ABCC1: variants seen among roughly 807,000 people sequenced by gnomAD.
The protein encoded by ABCC1 is ATP binding cassette subfamily C member 1 (ABCC1 blood group).
ABCC1 carries 83 observed loss-of-function variants against 172.9 expected under a neutral mutation model. The observed-to-expected ratio is 0.48, with a 90% CI of 0.40 to 0.58. The LOEUF (loss-of-function observed/expected upper bound fraction) is 0.58. ABCC1 is among the 20% of genes least tolerant of loss of function. The probability of loss-of-function intolerance (pLI) is 0.00; values close to 1 mark genes in which losing one functional copy is unlikely to be tolerated. For synonymous variants in ABCC1, 937 were observed against 825.2 expected, an observed-to-expected ratio of 1.14 and a Z score of -2.32; for missense variants, 1,817 against 2,002.7, an observed-to-expected ratio of 0.91 and a Z score of 1.77.
intron 3 of ABCC1, among the ~76,000 whole-genome samples, chr16:16,013,945 G>A (rs1169992918): frequency 2.0e-5 from 3 of 152,144 alleles, no homozygotes; most frequent in Non-Finnish European, 2.9e-5. Context: ...GGCTGACCCC[G>A]GGAACGTTGA....
chr16:15,957,424 G>A (rs1407560569), intron 1 of ABCC1, among the ~76,000 whole-genome samples: 1 of 151,770 alleles, frequency 6.6e-6, no homozygotes, highest in Non-Finnish European at 1.5e-5. Context: ...TCAGAACAGG[G>A]TTTTGTCCAC....
intron 12 of ABCC1, chr16:16,056,640 G>A (rs957510141): frequency 3.2e-6 from 1 of 310,878 alleles, no homozygotes; most frequent in Non-Finnish European, 6.0e-6. Context: ...GTGCACTCCA[G>A]CCTGGGCGAC....
chr16:16,086,657 C>A (rs1328124545), intron 17 of ABCC1, among the ~76,000 whole-genome samples, 167 bp from the exon 18 acceptor site: 1 of 152,060 alleles, frequency 6.6e-6, no homozygotes, highest in Non-Finnish European at 1.5e-5. Flanking sequence ...TTTGTAGAGA[C>A]AGGGTCTCCC....
chr16:16,082,722 C>T (rs191342724), intron 16 of ABCC1, among the ~76,000 whole-genome samples: 5 of 152,276 alleles, frequency 3.3e-5, no homozygotes, highest in East Asian at 1.9e-4. Flanking sequence ...AATCTCAGCT[C>T]GTGGTACCTC....
rs1191603741 is a variant in ABCC1, at chr16:16,141,069, T to C, written c.4488-104T>C. The C allele has an allele frequency of 3.3e-6, 3 of 918,752 alleles. No homozygotes were observed. The African/African-American group carries it at 4.9e-5, about 15-fold the overall frequency. 56.9% of individuals were successfully genotyped at this position (918,752 alleles called of 1,614,324 possible). ...CTGCACCAGTCCTAGCAAAAAGTGT[T>C]AGGGGCCTGACCCGAAGCAGTGACT... On this transcript the variant is annotated intron_variant, in intron 30 of 30. Coordinates refer to ENST00000399410, the MANE Select transcript of ABCC1 (RefSeq NM_004996.4).
At chr16:16,132,406 T>C (rs1427931780) in intron 27 of ABCC1, among the ~76,000 whole-genome samples, 1 of 151,074 alleles carries the variant, frequency 6.6e-6, no homozygotes, top group Admixed American at 6.6e-5. Flanking sequence ...ACTCTTGAGC[T>C]CAACCGGTCT....
chr16:16,137,367 T>C (rs1479376068), intron 29 of ABCC1, among the ~76,000 whole-genome samples: 1 of 151,996 alleles, frequency 6.6e-6, no homozygotes, highest in Non-Finnish European at 1.5e-5. Flanking sequence ...AGCTTGGGCA[T>C]GTTGTCATGG....
chr16:16,131,998 G>A, intron 27 of ABCC1, 63 bp downstream of exon 27: 1 of 1,573,682 alleles, frequency 6.4e-7, no homozygotes, highest in Non-Finnish European at 8.7e-7. Context: ...CCATCGGGCA[G>A]GTGAACCTAG....
chr16:16,067,776 G>T (rs2050167231), intron 12 of ABCC1, among the ~76,000 whole-genome samples: 1 of 152,174 alleles, frequency 6.6e-6, no homozygotes, highest in Non-Finnish European at 1.5e-5. Context: ...AATGGTGAGA[G>T]GGAGGAGTCA....
intron 1 of ABCC1, among the ~76,000 whole-genome samples, chr16:15,997,557 G>T (rs1254195179): frequency 6.6e-6 from 1 of 152,076 alleles, no homozygotes; most frequent in Non-Finnish European, 1.5e-5. Context: ...GGTGGGCCTG[G>T]CTGGATTTCC....
In ABCC1 at chr16:16,011,005, G is replaced by A. The variant is rs184401615; in HGVS notation, c.351+1104G>A. ...TCCCAGCACTTTGGGAGGCTGAGGC[G>A]GGAGAATCACTTGAGGTCGGGAATT... On this transcript the variant is annotated intron_variant, in intron 3 of 30. Coordinates refer to ENST00000399410, the MANE Select transcript of ABCC1 (RefSeq NM_004996.4). 1.2e-4 allele frequency among the ~76,000 whole-genome samples: 18 copies of A among 152,258 alleles called. No homozygotes were observed. The East Asian group carries it at 2.7e-3, about 23-fold the overall frequency.
At chr16:16,139,124 C>T (rs1279355618) in intron 30 of ABCC1, among the ~76,000 whole-genome samples, 1 of 152,122 alleles carries the variant, frequency 6.6e-6, no homozygotes, top group Non-Finnish European at 1.5e-5. Context: ...GCCTCCAGGA[C>T]CAAGTAGCTT....
intron 3 of ABCC1, among the ~76,000 whole-genome samples, chr16:16,011,090 C>T (rs1207327343): frequency 7.9e-5 from 12 of 151,968 alleles, no homozygotes; most frequent in South Asian, 2.1e-4. Context: ...AAAAATTAGC[C>T]GGCGTGGTGG....
At position 16,109,673 on chromosome 16, in the gene ABCC1, A is replaced by T. The variant is rs191509286; in HGVS notation, c.2872-1702A>T. ...TAGCCCCATGCTGGGCTCCACAGGG[A>T]ATATAGGAGGGAAAGAAACTCCAAC... On this transcript the variant is annotated intron_variant, in intron 21 of 30. Transcript: ENST00000399410. 5.3e-5 allele frequency among the ~76,000 whole-genome samples: 8 copies of T among 152,274 alleles called. No homozygotes were observed. The East Asian group carries it at 1.4e-3, about 26-fold the overall frequency.
chr16:15,990,351 G>A (rs1479617023), intron 1 of ABCC1, among the ~76,000 whole-genome samples: 1 of 152,120 alleles, frequency 6.6e-6, no homozygotes, highest in African/African-American at 2.4e-5. Context: ...CCGGCCATCA[G>A]CAAATTTTTA....
intron 19 of ABCC1, among the ~76,000 whole-genome samples, chr16:16,097,734 G>T (rs1338229848): frequency 6.6e-6 from 1 of 152,206 alleles, no homozygotes; most frequent in African/African-American, 2.4e-5. Context: ...CTATACACTT[G>T]TCAGTCTGCC....
At chr16:16,023,419 C>A (rs1439082309) in intron 5 of ABCC1, among the ~76,000 whole-genome samples, 1 of 152,188 alleles carries the variant, frequency 6.6e-6, no homozygotes, top group Non-Finnish European at 1.5e-5. Context: ...AGATATAGAA[C>A]ACTGCAAGGA....
Position 16,048,800 on chromosome 16 carries a change from G to A in ABCC1, c.1380+497G>A, listed in dbSNP as rs1254273894. Among the ~76,000 whole-genome samples the A allele has an allele frequency of 3.3e-5, 5 of 152,214 alleles. 1 individual carries two copies. Among genetic ancestry groups the A allele is most frequent in the African/African-American group, 1.2e-4 (5 of 41,534 alleles). On this transcript the variant is annotated intron_variant, in intron 10 of 30. Transcript: ENST00000399410. ...TCAGGAGTTCGAGACCAGCCTCAACGTGGAGAAACCCCGTCTCTACTAAAA... is the reference window on the plus strand; with the variant it reads ...TCAGGAGTTCGAGACCAGCCTCAACATGGAGAAACCCCGTCTCTACTAAAA...
chr16:16,017,013 C>T (rs75508195), intron 5 of ABCC1, among the ~76,000 whole-genome samples: 4 of 152,158 alleles, frequency 2.6e-5, no homozygotes, highest in Non-Finnish European at 4.4e-5. Flanking sequence ...TGAGGAGTTG[C>T]TGGAGTCCCC....
Sources: gnomAD v4.1 joint callset for allele counts (sites outside exome capture counted in the v4.1 genomes callset) on GRCh38, gnomAD v4.1.1 for gene constraint, MANE v1.5 for transcripts, NCBI Gene and HGNC (gene_info 2026-07-23, HGNC 2026-07-21) for gene names.